Variants in CUBN observed in about 807,000 individuals in gnomAD.
CUBN encodes cubilin.
In CUBN, 282 loss-of-function variants were observed where a neutral mutation model predicts 405.3. The observed-to-expected ratio is 0.70, with a 90% CI of 0.63 to 0.77. CUBN has a LOEUF of 0.77. Ranked by LOEUF, CUBN falls within the 30% of genes least tolerant of loss-of-function variation. The pLI, the probability that CUBN is intolerant of heterozygous loss-of-function variation, is 0.00. For synonymous variants in CUBN, 1,684 were observed against 1,617.0 expected (o/e 1.04, Z -0.99); for missense variants, 4,514 against 4,475.2 (o/e 1.01, Z -0.25).
At chr10:16,956,193 A>G (rs1188814802) in intron 31 of CUBN, among the ~76,000 whole-genome samples, 1 of 152,210 alleles carries the variant, frequency 6.6e-6, no homozygotes. Flanking sequence ...ATACAAGCCC[A>G]TGAATCAAAT....
chr10:17,087,658 T>C (rs142419058), intron 15 of CUBN, among the ~76,000 whole-genome samples: 5,930 of 151,872 alleles, frequency 0.039, 161 homozygotes, highest in African/African-American at 0.073. Flanking sequence ...GTATTTTTAA[T>C]AGAGATGGGT....
chr10:17,019,339 A>T (rs1564481725), intron 28 of CUBN, among the ~76,000 whole-genome samples: 1 of 152,094 alleles, frequency 6.6e-6, no homozygotes, highest in Non-Finnish European at 1.5e-5. Flanking sequence ...GGCTTTGTGC[A>T]TCGCAGCTCA....
intron 4 of CUBN, 114 bp from the exon 5 acceptor site, chr10:17,123,803 A>G: frequency 1.4e-6 from 1 of 716,784 alleles, no homozygotes; most frequent in Non-Finnish European, 2.5e-6. Flanking sequence ...GTCTCCTTCT[A>G]CACTTTAAAG....
At chr10:16,992,696 A>T (rs754280587) in intron 28 of CUBN, among the ~76,000 whole-genome samples, 1 of 152,188 alleles carries the variant, frequency 6.6e-6, no homozygotes, top group Non-Finnish European at 1.5e-5. Flanking sequence ...TATCTTCTTG[A>T]CTTCTCAGTC....
At chr10:17,048,336 A>C (rs7909893) in intron 22 of CUBN, among the ~76,000 whole-genome samples, 8,814 of 152,332 alleles carry the variant, frequency 0.058, 756 homozygotes, top group African/African-American at 0.19. Flanking sequence ...TCCTAAATAA[A>C]TATCTTCTTT....
At chr10:16,971,879 C>T (rs1345855499) in intron 31 of CUBN, among the ~76,000 whole-genome samples, 1 of 152,164 alleles carries the variant, frequency 6.6e-6, no homozygotes, top group Non-Finnish European at 1.5e-5. Flanking sequence ...CCTTATGCCA[C>T]TCATTTCCGT....
chr10:17,100,044 C>A lies in CUBN; in HGVS notation c.1726G>T (p.Gly576Trp). Reference sequence around the variant, plus strand: ...TCCCATCTTACTGTAAAGCCTCTCCCATTTCTTAAATGTTCAGAATAGAGA... The same window carrying A: ...TCCCATCTTACTGTAAAGCCTCTCCAATTTCTTAAATGTTCAGAATAGAGA... Reference protein sequence around the residue: ...FHLYSEHLRNGRGFTVRWETQ... With the variant: ...FHLYSEHLRNWRGFTVRWETQ... The change falls in exon 14 of 67, where the codon GGG becomes TGG. Residue 576 changes from glycine (G) to tryptophan (W), a missense_variant. By Grantham distance (184) the Gly-to-Trp change is radical (BLOSUM62 -2). Transcript: ENST00000377833. 2 of 1,613,800 alleles carry A rather than the reference C, an allele frequency of 1.2e-6. No homozygotes were observed. Among genetic ancestry groups the A allele is most frequent in the Non-Finnish European group, 1.7e-6 (2 of 1,179,812 alleles).
At chr10:16,869,164 ATTT>A (rs72310717) in intron 59 of CUBN, among the ~76,000 whole-genome samples, 35 of 121,142 alleles carry the variant, frequency 2.9e-4, no homozygotes, top group African/African-American at 9.7e-4. Flanking sequence ...TACCAAAGTG[ATTT>A]TTTTTTTTTT....
intron 21 of CUBN, among the ~76,000 whole-genome samples, chr10:17,066,412 A>G (rs2131843120): frequency 6.6e-6 from 1 of 152,314 alleles, no homozygotes; most frequent in Middle Eastern, 3.4e-3. Flanking sequence ...ACCAAAAGAA[A>G]TGATAAAGAA....
Position 16,901,382 on chromosome 10 carries a change from G to A in CUBN, c.8140C>T (p.His2714Tyr). The A allele has an allele frequency of 1.9e-6, 3 of 1,614,112 alleles. No individual in the cohort carries two copies. Among genetic ancestry groups the A allele is most frequent in the Non-Finnish European group, 2.5e-6 (3 of 1,179,984 alleles). The part of the protein sequence containing the change: ...NYPNAYDSLT[H>Y]CSSLLEAPQG... ...GGGGCCTCCAACAGCGAAGAGCAGTGGGTCAGGCTGTCATAAGCATTTGGA... is the reference window on the plus strand; with the variant it reads ...GGGGCCTCCAACAGCGAAGAGCAGTAGGTCAGGCTGTCATAAGCATTTGGA... The change falls in exon 52 of 67, where the codon CAC becomes TAC. Residue 2714 changes from histidine to tyrosine, a missense_variant. By Grantham distance (83) the His-to-Tyr change is moderately conservative. Transcript: ENST00000377833.
intron 54 of CUBN, among the ~76,000 whole-genome samples, chr10:16,893,722 C>G (rs1281837949): frequency 6.6e-6 from 1 of 152,152 alleles, no homozygotes; most frequent in Non-Finnish European, 1.5e-5. Flanking sequence ...TCAGGAGTTA[C>G]ATTCCACGGT....
chr10:17,025,544 A>T (rs958007908), intron 27 of CUBN, among the ~76,000 whole-genome samples: 1 of 152,256 alleles, frequency 6.6e-6, no homozygotes, highest in Non-Finnish European at 1.5e-5. Context: ...GTTTGCTATG[A>T]GGCCTGGCAT....
At chr10:16,838,247 G>T (rs185843661) in intron 62 of CUBN, among the ~76,000 whole-genome samples, 1 of 152,212 alleles carries the variant, frequency 6.6e-6, no homozygotes, top group Admixed American at 6.5e-5. Context: ...TCCCCAGCAA[G>T]ACCACATGAG....
intron 31 of CUBN, among the ~76,000 whole-genome samples, chr10:16,955,932 T>C (rs558459686): frequency 1.3e-5 from 2 of 152,268 alleles, no homozygotes; most frequent in Admixed American, 1.3e-4. Flanking sequence ...CTGCCAACCA[T>C]TAGAATGTGA....
At chr10:16,884,865 G>A (rs1840766826) in intron 56 of CUBN, among the ~76,000 whole-genome samples, 1 of 152,110 alleles carries the variant, frequency 6.6e-6, no homozygotes, top group Non-Finnish European at 1.5e-5. Context: ...GACAGATCTA[G>A]AACCTTCATC....
intron 4 of CUBN, among the ~76,000 whole-genome samples, chr10:17,125,767 T>A (rs1837168688): frequency 6.6e-6 from 1 of 152,192 alleles, no homozygotes; most frequent in Admixed American, 6.5e-5. Context: ...GAGGACTGGC[T>A]GAGCGAATAT....
At chr10:17,110,730 G>T (rs934295132) in intron 9 of CUBN, among the ~76,000 whole-genome samples, 189 bp downstream of exon 9, 2 of 152,152 alleles carry the variant, frequency 1.3e-5, no homozygotes, top group African/African-American at 4.8e-5. Flanking sequence ...GTTTCACCAT[G>T]TTGGCCAGGC....
At chr10:17,026,988 T>C (rs899350662) in intron 27 of CUBN, among the ~76,000 whole-genome samples, 1 of 152,176 alleles carries the variant, frequency 6.6e-6, no homozygotes, top group African/African-American at 2.4e-5. Flanking sequence ...AAAAAACCCA[T>C]CGAAATACCA....
chr10:17,047,634 A>G, intron 22 of CUBN, 31 bp from the exon 23 acceptor site: 1 of 1,578,062 alleles, frequency 6.3e-7, no homozygotes, highest in Non-Finnish European at 8.7e-7. Flanking sequence ...TAAGAGAGAA[A>G]ATAGAAAATA....
Sources: gnomAD v4.1 joint callset for allele counts (sites outside exome capture counted in the v4.1 genomes callset) on GRCh38, gnomAD v4.1.1 for gene constraint, MANE v1.5 for transcripts, NCBI Gene and HGNC (gene_info 2026-07-23, HGNC 2026-07-21) for gene names.